Variants in COL6A5 observed in about 807,000 individuals in gnomAD.
The protein encoded by COL6A5 is collagen alpha-5(VI) chain.
COL6A5 carries 48 observed loss-of-function variants against 65.6 expected under a neutral mutation model. That is an observed-to-expected ratio of 0.73 (90% CI 0.58 to 0.93). The LOEUF (loss-of-function observed/expected upper bound fraction) is 0.93, where lower values mean the gene tolerates loss of function less well. Ranked by LOEUF, COL6A5 falls within the 40% of genes least tolerant of loss-of-function variation. The pLI is 0.00. For missense variants in COL6A5, 914 were observed against 928.3 expected, an observed-to-expected ratio of 0.98 and a Z score of 0.20; for synonymous variants, 291 against 322.8, an observed-to-expected ratio of 0.90 and a Z score of 1.05.
At chr3:130,383,222 A>G (rs1936068141) in intron 4 of COL6A5, among the ~76,000 whole-genome samples, 1 of 152,096 alleles carries the variant, frequency 6.6e-6, no homozygotes, top group South Asian at 2.1e-4. Flanking sequence ...TGCTAGTTAT[A>G]TGGAGCTGTT....
chr3:130,394,794 A>G lies in COL6A5; in HGVS notation c.2993-96A>G. The G allele has an allele frequency of 4.8e-6, 4 of 828,954 alleles. No individual in the cohort carries two copies. The Middle Eastern group carries it at 1.1e-3, about 218-fold the overall frequency. 51.3% of individuals were successfully genotyped at this position (828,954 alleles called of 1,614,324 possible). A position where few individuals can be genotyped will look rare whatever the true frequency, so the allele number is the denominator to read the frequency against. On this transcript the variant is annotated intron_variant and NMD_transcript_variant, in intron 7 of 41. Coordinates refer to the COL6A5 transcript ENST00000312481. ...TTATCTCAATTTGCTAATGTAAATC[A>G]ATTGAAGTATTTAGTAAAGCAATTT...
intron 1 of COL6A5, among the ~76,000 whole-genome samples, chr3:130,346,415 A>C (rs1207759959): frequency 6.6e-6 from 1 of 152,134 alleles, no homozygotes; most frequent in Non-Finnish European, 1.5e-5. Context: ...CAATGCAGGA[A>C]CCCCCAAATA....
exon 3 of COL6A5, chr3:130,376,250 G>A: frequency 1.2e-6 from 2 of 1,603,780 alleles, no homozygotes; most frequent in Non-Finnish European, 1.7e-6. Flanking sequence ...CAGGCCCTGT[G>A]TATGCAGATG....
In COL6A5 at chr3:130,404,467, C is replaced by T. The variant is rs377549158; in HGVS notation, c.4281+805C>T. ...GAACAAGATACCTAACTTCTTGACC[C>T]TCAGTTTTCTCATCTGTAAGCAATT... On this transcript the variant is annotated intron_variant and NMD_transcript_variant, in intron 13 of 41. Coordinates refer to the COL6A5 transcript ENST00000312481. Among the ~76,000 whole-genome samples the T allele has an allele frequency of 3.3e-5, 5 of 152,184 alleles. No homozygotes were observed. The East Asian group carries it at 5.8e-4, about 18-fold the overall frequency.
Position 130,431,951 on chromosome 3 carries a change from T to C in COL6A5, c.487+2T>C, listed in dbSNP as rs1249644287. 1 of 1,547,696 alleles carries C rather than the reference T, an allele frequency of 6.5e-7. No homozygotes were observed. The highest frequency in any genetic ancestry group is 8.7e-7 in the Non-Finnish European group (1 of 1,144,212). ...AGAGTTTTCCTTGAAGCTTTTGGGG[T>C]AAGAATTTCTCTTGGCAACTTCTTT... On this transcript the variant is annotated splice_donor_variant, in intron 1 of 7. Coordinates refer to ENST00000512836, the Ensembl canonical transcript of COL6A5. LOFTEE classifies it high-confidence loss of function.
intron 4 of COL6A5, among the ~76,000 whole-genome samples, chr3:130,444,419 G>A (rs1709260395): frequency 6.6e-6 from 1 of 152,114 alleles, no homozygotes; most frequent in African/African-American, 2.4e-5. Context: ...TTTAGAGATT[G>A]CAGTAAAGAC....
At chr3:130,439,488 G>T in intron 1 of COL6A5, 34 bp from the exon 34 acceptor site, 1 of 1,488,426 alleles carries the variant, frequency 6.7e-7, no homozygotes, top group South Asian at 1.2e-5. Flanking sequence ...TAAAAACAAT[G>T]AGCAAACATG....
intron 5 of COL6A5, among the ~76,000 whole-genome samples, chr3:130,387,473 A>G (rs937998966): frequency 2.0e-5 from 3 of 152,104 alleles, no homozygotes; most frequent in Non-Finnish European, 4.4e-5. Flanking sequence ...ACACTTCACT[A>G]CAGTGGTCAA....
intron 1 of COL6A5, among the ~76,000 whole-genome samples, chr3:130,438,719 G>A (rs994135672): frequency 6.6e-6 from 1 of 152,118 alleles, no homozygotes; most frequent in African/African-American, 2.4e-5. Flanking sequence ...TTTGTTGATG[G>A]AGAGATAGCC....
intron 1 of COL6A5, among the ~76,000 whole-genome samples, chr3:130,432,898 C>T (rs939032589): frequency 5.3e-5 from 8 of 152,126 alleles, no homozygotes; most frequent in African/African-American, 1.9e-4. Flanking sequence ...TTCCCTTCCT[C>T]CTAAGAAACT....
At chr3:130,413,199 A>G (rs905606516) in intron 20 of COL6A5, among the ~76,000 whole-genome samples, 1 of 147,446 alleles carries the variant, frequency 6.8e-6, no homozygotes, top group Non-Finnish European at 1.5e-5. Context: ...GAAGGCTCTG[A>G]TTAGCAGACA....
At chr3:130,399,692 G>T (rs1936748388) in intron 10 of COL6A5, among the ~76,000 whole-genome samples, 1 of 150,924 alleles carries the variant, frequency 6.6e-6, no homozygotes, top group Admixed American at 6.6e-5. Flanking sequence ...TATATTCAGT[G>T]TTCCAGGCAT....
intron 1 of COL6A5, among the ~76,000 whole-genome samples, chr3:130,371,775 A>C (rs1935571695): frequency 6.6e-6 from 1 of 152,190 alleles, no homozygotes; most frequent in South Asian, 2.1e-4. Context: ...GGTGTTTTAG[A>C]TATGACACTA....
intron 1 of COL6A5, among the ~76,000 whole-genome samples, chr3:130,359,263 A>G (rs1935025211): frequency 6.6e-6 from 1 of 152,230 alleles, no homozygotes; most frequent in South Asian, 2.1e-4. Flanking sequence ...TAGAGATTAT[A>G]TAACAATACT....
At chr3:130,358,673 A>G (rs1250412580) in intron 1 of COL6A5, among the ~76,000 whole-genome samples, 1 of 152,154 alleles carries the variant, frequency 6.6e-6, no homozygotes, top group Non-Finnish European at 1.5e-5. Context: ...GGATTCCAAA[A>G]CTTCAAAAGT....
At chr3:130,371,828 T>G (rs866345418) in intron 1 of COL6A5, among the ~76,000 whole-genome samples, 1 of 152,122 alleles carries the variant, frequency 6.6e-6, no homozygotes, top group Non-Finnish European at 1.5e-5. Context: ...TCATATAAAT[T>G]GGACTTCATC....
chr3:130,475,007 CAAAAAAAAAAAAAA>C (rs57263258), intron 7 of COL6A5, among the ~76,000 whole-genome samples: 4 of 65,052 alleles, frequency 6.1e-5, no homozygotes, highest in East Asian at 1.1e-3. Context: ...ACCATGTCTC[CAAAAAAAAAAAAAA>C]AAAAAAAAAG....
At chr3:130,363,084 A>AT (rs1230215758) in intron 1 of COL6A5, among the ~76,000 whole-genome samples, 1 of 151,706 alleles carries the variant, frequency 6.6e-6, no homozygotes, top group Admixed American at 6.6e-5. Context: ...TTTTGTTCCA[A>AT]TTTTGTCTTC....
At chr3:130,393,195 C>A (rs971774851) in intron 7 of COL6A5, among the ~76,000 whole-genome samples, 1 of 151,850 alleles carries the variant, frequency 6.6e-6, no homozygotes, top group African/African-American at 2.4e-5. Context: ...TCATTGATCA[C>A]CTCTCCCCTC....
Sources: gnomAD v4.1 joint callset for allele counts (sites outside exome capture counted in the v4.1 genomes callset) on GRCh38, gnomAD v4.1.1 for gene constraint, MANE v1.5 for transcripts, NCBI Gene and HGNC (gene_info 2026-07-23, HGNC 2026-07-21) for gene names.